TMEM132D: variants seen among roughly 807,000 people sequenced by gnomAD.
TMEM132D encodes mature OL transmembrane protein.
TMEM132D carries 21 observed loss-of-function variants against 62.3 expected under a neutral mutation model. That is an observed-to-expected ratio of 0.34 (90% CI 0.24 to 0.49). TMEM132D has a LOEUF of 0.49. TMEM132D is among the 20% of genes least tolerant of loss of function. The pLI is 0.99. For missense variants in TMEM132D, 1,346 were observed against 1,402.8 expected, an observed-to-expected ratio of 0.96 and a Z score of 0.65; for synonymous variants, 621 against 575.6, an observed-to-expected ratio of 1.08 and a Z score of -1.13.
At chr12:129,763,527 C>T (rs1365601211) in intron 1 of TMEM132D, among the ~76,000 whole-genome samples, 1 of 151,384 alleles carries the variant, frequency 6.6e-6, no homozygotes, top group African/African-American at 2.4e-5. Flanking sequence ...TAAGGCCTAC[C>T]TGTCCGCATA....
At chr12:129,523,645 G>A (rs928914581) in intron 3 of TMEM132D, among the ~76,000 whole-genome samples, 5 of 152,128 alleles carry the variant, frequency 3.3e-5, no homozygotes, top group Admixed American at 2.6e-4. Context: ...GGAAACAGAA[G>A]ATATTAAATA....
intron 3 of TMEM132D, among the ~76,000 whole-genome samples, chr12:129,486,497 T>C (rs938043684): frequency 2.0e-5 from 3 of 152,220 alleles, no homozygotes; most frequent in Admixed American, 1.3e-4. Flanking sequence ...ATGATCCCCA[T>C]ATAAAACCGA....
At chr12:129,721,824 G>A in intron 1 of TMEM132D, among the ~76,000 whole-genome samples, 1 of 152,154 alleles carries the variant, frequency 6.6e-6, no homozygotes, top group East Asian at 1.9e-4. Context: ...AGCACATCCG[G>A]CCAGCCAGCT....
intron 3 of TMEM132D, among the ~76,000 whole-genome samples, chr12:129,463,108 C>A (rs757479405): frequency 6.6e-6 from 1 of 152,188 alleles, no homozygotes; most frequent in Non-Finnish European, 1.5e-5. Context: ...TCAGATTGTT[C>A]TGGAGAAGAG....
intron 3 of TMEM132D, among the ~76,000 whole-genome samples, chr12:129,506,212 T>G (rs1426323745): frequency 6.6e-6 from 1 of 152,236 alleles, no homozygotes; most frequent in Non-Finnish European, 1.5e-5. Flanking sequence ...CTTGTAGTGC[T>G]GGTTTGGTCG....
chr12:129,445,107 A>G, intron 3 of TMEM132D, among the ~76,000 whole-genome samples: 1 of 152,250 alleles, frequency 6.6e-6, no homozygotes, highest in East Asian at 1.9e-4. Context: ...AAGACTGGAT[A>G]AAGAAAATGT....
At chr12:129,594,120 A>C (rs781364812) in intron 2 of TMEM132D, among the ~76,000 whole-genome samples, 12 of 152,242 alleles carry the variant, frequency 7.9e-5, no homozygotes, top group Non-Finnish European at 1.3e-4. Flanking sequence ...TGGAGGGTAC[A>C]TGAAGCAAAC....
chr12:129,599,714 T>C (rs1878436356), intron 2 of TMEM132D, among the ~76,000 whole-genome samples: 1 of 152,182 alleles, frequency 6.6e-6, no homozygotes, highest in Non-Finnish European at 1.5e-5. Flanking sequence ...AGTCACACAT[T>C]TTTTGGTTTT....
chr12:129,555,011 T>C (rs1877015348), intron 2 of TMEM132D, among the ~76,000 whole-genome samples: 2 of 152,272 alleles, frequency 1.3e-5, no homozygotes, highest in East Asian at 1.9e-4. Flanking sequence ...GAACATATTC[T>C]CCCCAGCTAT....
intron 1 of TMEM132D, among the ~76,000 whole-genome samples, chr12:129,721,564 G>A (rs1356500168): frequency 6.6e-6 from 1 of 152,100 alleles, no homozygotes; most frequent in Non-Finnish European, 1.5e-5. Context: ...CGCTCTAGGT[G>A]AGCAGCCCGT....
At chr12:129,518,978 C>T (rs3867493) in intron 3 of TMEM132D, among the ~76,000 whole-genome samples, 144,774 of 152,284 alleles carry the variant, frequency 0.95, 69,215 homozygotes, top group East Asian at 1. Context: ...TGAAGCTTTC[C>T]ATTGGTTACA....
At chr12:129,506,798 G>A (rs750113701) in intron 3 of TMEM132D, among the ~76,000 whole-genome samples, 5 of 152,142 alleles carry the variant, frequency 3.3e-5, no homozygotes, top group Non-Finnish European at 5.9e-5. Flanking sequence ...CATTGGCTTA[G>A]GCAAGGATTT....
chr12:129,575,587 T>C (rs1215671821), intron 2 of TMEM132D, among the ~76,000 whole-genome samples: 2 of 151,766 alleles, frequency 1.3e-5, no homozygotes, highest in African/African-American at 4.9e-5. Context: ...AATCCGTAAA[T>C]GCCAGAAAGC....
rs558302652 is a variant in TMEM132D at position 129,506,484 on chromosome 12, C to A, written c.1115+24575G>T. On this transcript the variant is annotated intron_variant, in intron 3 of 8. Coordinates refer to ENST00000422113, the MANE Select transcript of TMEM132D (RefSeq NM_133448.3). The stretch of plus-strand genomic sequence containing the variant: ...TACTATAAGGCGATAGTCACCAAAA[C>A]AGCATGGTACTGGTATAAAAATAGG... 5.9e-5 allele frequency among the ~76,000 whole-genome samples: 9 copies of A among 152,278 alleles called. No individual in the cohort carries two copies. The South Asian group carries it at 1.9e-3, about 32-fold the overall frequency.
chr12:129,653,426 G>A (rs1879984345), intron 2 of TMEM132D, among the ~76,000 whole-genome samples: 1 of 152,338 alleles, frequency 6.6e-6, no homozygotes, highest in Middle Eastern at 3.4e-3. Context: ...CATGGAAGAA[G>A]CAGCACATTA....
intron 1 of TMEM132D, among the ~76,000 whole-genome samples, chr12:129,713,957 G>A (rs1189260497): frequency 2.0e-5 from 3 of 152,240 alleles, no homozygotes; most frequent in African/African-American, 7.2e-5. Flanking sequence ...AAACTGTTGA[G>A]AGAACATAGA....
intron 3 of TMEM132D, among the ~76,000 whole-genome samples, chr12:129,401,527 C>G (rs924782908): frequency 6.6e-6 from 1 of 151,992 alleles, no homozygotes; most frequent in South Asian, 2.1e-4. Flanking sequence ...TGAGATCACG[C>G]CACTGCACTC....
chr12:129,683,806 TG>T (rs1297626459), intron 2 of TMEM132D, among the ~76,000 whole-genome samples: 1 of 152,192 alleles, frequency 6.6e-6, no homozygotes, highest in African/African-American at 2.4e-5. Flanking sequence ...CATCTATCCT[TG>T]CCCACTCGAA....
intron 1 of TMEM132D, among the ~76,000 whole-genome samples, chr12:129,709,139 A>C (rs1181930988): frequency 6.6e-6 from 1 of 152,214 alleles, no homozygotes; most frequent in Non-Finnish European, 1.5e-5. Flanking sequence ...TGCAAGTTTC[A>C]TAACAGCAAT....
Sources: allele counts gnomAD v4.1 joint callset (sites outside exome capture counted in the v4.1 genomes callset), GRCh38; gene constraint gnomAD v4.1.1; transcripts MANE v1.5; gene names NCBI Gene and HGNC (gene_info 2026-07-23, HGNC 2026-07-21).